Variants in DNAH8 observed in about 807,000 individuals in gnomAD.
The protein encoded by DNAH8 is axonemal beta dynein heavy chain 8.
DNAH8 carries 382 observed loss-of-function variants against 562.1 expected under a neutral mutation model. The ratio of observed to expected loss-of-function variants is 0.68; its 90% CI spans 0.63 to 0.74. The LOEUF (loss-of-function observed/expected upper bound fraction) is 0.74, where lower values mean the gene tolerates loss of function less well. Among genes scored for constraint, DNAH8 ranks in the 30% least tolerant of loss-of-function variants. DNAH8 has a pLI of 0.00. For missense variants in DNAH8, 5,203 were observed against 5,620.4 expected (o/e 0.93, Z 2.37); for synonymous variants, 1,881 against 1,919.4 (o/e 0.98, Z 0.52).
At chr6:38,798,765 T>C (rs9380778) in intron 21 of DNAH8, among the ~76,000 whole-genome samples, 3 of 151,924 alleles carry the variant, frequency 2.0e-5, no homozygotes, top group Admixed American at 2.0e-4. Context: ...AGGGTTGGAG[T>C]TGAGGCACAG....
rs560623647 is a variant in DNAH8, at chr6:38,840,723, T to C, written c.4467-1645T>C. Among the ~76,000 whole-genome samples, 7 of 152,306 alleles carry C rather than the reference T, an allele frequency of 4.6e-5. No homozygotes were observed. The South Asian group carries it at 1.0e-3, about 23-fold the overall frequency. On this transcript the variant is annotated intron_variant, in intron 33 of 92. Coordinates refer to ENST00000327475, the MANE Select transcript of DNAH8 (RefSeq NM_001206927.2). ...TTTGTCAATTTTCTTCTCTTTACCCTTTTAGGTAGAAAATGAAAAATTCTG... is the reference window on the plus strand; with the variant it reads ...TTTGTCAATTTTCTTCTCTTTACCCCTTTAGGTAGAAAATGAAAAATTCTG...
intron 32 of DNAH8, among the ~76,000 whole-genome samples, chr6:38,835,999 C>T (rs189850162): frequency 6.6e-6 from 1 of 152,052 alleles, no homozygotes; most frequent in Non-Finnish European, 1.5e-5. Flanking sequence ...GCAAGTGACA[C>T]CTGTATAATG....
chr6:39,023,914 T>C (rs761384), intron 91 of DNAH8, among the ~76,000 whole-genome samples: 122,470 of 152,228 alleles, frequency 0.8, 49,981 homozygotes, highest in Middle Eastern at 0.88. Flanking sequence ...GTTCTAGAGT[T>C]CACCTCCTGG....
chr6:38,964,556 T>G (rs947004439), intron 82 of DNAH8, among the ~76,000 whole-genome samples: 1 of 151,540 alleles, frequency 6.6e-6, no homozygotes, highest in Non-Finnish European at 1.5e-5. Flanking sequence ...TTGAGAGACA[T>G]ACATCCAGAT....
At chr6:38,926,283 C>T (rs909309472) in intron 74 of DNAH8, 73 bp downstream of exon 74, 20 of 1,525,308 alleles carry the variant, frequency 1.3e-5, no homozygotes, top group Non-Finnish European at 1.5e-5. Flanking sequence ...ATTGAATCTG[C>T]AGTCATAAAG....
chr6:38,920,766 C>T (rs1235266390), intron 70 of DNAH8, among the ~76,000 whole-genome samples: 2 of 152,090 alleles, frequency 1.3e-5, no homozygotes, highest in Non-Finnish European at 2.9e-5. Flanking sequence ...GAAAAAAAAT[C>T]AAAATGCCAA....
chr6:38,785,642 C>T (rs146622625), intron 17 of DNAH8, among the ~76,000 whole-genome samples: 1 of 152,050 alleles, frequency 6.6e-6, no homozygotes, highest in African/African-American at 2.4e-5. Flanking sequence ...TGCTCCCCAC[C>T]CCCCGACAGG....
chr6:38,727,959 C>G (rs548180179), intron 3 of DNAH8, among the ~76,000 whole-genome samples: 1 of 151,962 alleles, frequency 6.6e-6, no homozygotes, highest in Non-Finnish European at 1.5e-5. Context: ...TGTTTTGGGT[C>G]CTTAAGTTAA....
At chr6:38,744,643 A>C (rs1415276307) in intron 8 of DNAH8, among the ~76,000 whole-genome samples, 1 of 152,046 alleles carries the variant, frequency 6.6e-6, no homozygotes, top group Non-Finnish European at 1.5e-5. Flanking sequence ...CTTAGGCTGG[A>C]GTGCAGTGGC....
intron 91 of DNAH8, among the ~76,000 whole-genome samples, chr6:39,018,522 G>C (rs1474930983): frequency 6.6e-6 from 1 of 152,186 alleles, no homozygotes; most frequent in Non-Finnish European, 1.5e-5. Context: ...CTCAGCCTAT[G>C]AGTGGCTCAT....
In DNAH8 at chr6:38,938,854, CATATG is replaced by C; in HGVS notation, c.11875_11879del (p.Tyr3959SerfsTer26). The C allele has an allele frequency of 6.2e-7, 1 of 1,613,212 alleles. No individual in the cohort carries two copies. The highest frequency in any genetic ancestry group is 1.1e-5 in the South Asian group (1 of 91,006). Reference sequence around the variant, plus strand: ...ATTACAAATATTATCGAGTACCTGACATATGAAGTTTTTACATACTCTGTCAGAGG... The same window carrying C: ...ATTACAAATATTATCGAGTACCTGACAAGTTTTTACATACTCTGTCAGAGG... On this transcript the variant is annotated frameshift_variant, in exon 79 of 93. Coordinates refer to ENST00000327475, the MANE Select transcript of DNAH8 (RefSeq NM_001206927.2). LOFTEE classifies it high-confidence loss of function.
At chr6:38,970,581 G>A (rs1763268724) in intron 82 of DNAH8, among the ~76,000 whole-genome samples, 1 of 152,076 alleles carries the variant, frequency 6.6e-6, no homozygotes, top group Admixed American at 6.5e-5. Context: ...AGAATATCTG[G>A]CCATTAACCA....
chr6:38,947,758 T>G (rs1365972512), intron 80 of DNAH8, among the ~76,000 whole-genome samples: 1 of 151,526 alleles, frequency 6.6e-6, no homozygotes, highest in Non-Finnish European at 1.5e-5. Context: ...TTCTTTTTTT[T>G]TTTTCTTGAG....
chr6:38,826,479 T>G, intron 29 of DNAH8, 88 bp downstream of exon 29: 2 of 814,440 alleles, frequency 2.5e-6, no homozygotes, highest in South Asian at 3.5e-5. Context: ...TTCTTTAACA[T>G]ATTCATCTAT....
intron 11 of DNAH8, chr6:38,763,543 G>A (rs367875487): frequency 4.8e-6 from 1 of 210,194 alleles, no homozygotes; most frequent in Non-Finnish European, 9.3e-6. Flanking sequence ...GCCAGGCATA[G>A]TGGCTCATGT....
At chr6:38,741,909 G>A (rs748154085) in intron 8 of DNAH8, 22 bp downstream of exon 8, 1 of 1,596,428 alleles carries the variant, frequency 6.3e-7, no homozygotes, top group Non-Finnish European at 8.5e-7. Context: ...TTTATTTAAA[G>A]TTTGGTATAC....
At chr6:38,963,636 G>A (rs1398758499) in intron 82 of DNAH8, among the ~76,000 whole-genome samples, 2 of 132,966 alleles carry the variant, frequency 1.5e-5, no homozygotes, top group African/African-American at 5.7e-5. Context: ...ACAGTGCTGG[G>A]ATTACAGTCG....
intron 9 of DNAH8, among the ~76,000 whole-genome samples, chr6:38,754,849 C>T (rs1765770425): frequency 6.6e-6 from 1 of 152,078 alleles, no homozygotes; most frequent in African/African-American, 2.4e-5. Context: ...TCAGGACATA[C>T]TTTAGTCAGT....
At chr6:38,832,183 A>G (rs1773895755) in intron 30 of DNAH8, 139 bp from the exon 31 acceptor site, 5 of 611,474 alleles carry the variant, frequency 8.2e-6, no homozygotes, top group African/African-American at 5.5e-5. Context: ...TGGGTTATTA[A>G]TATATTTTAT....
Sources: allele counts gnomAD v4.1 joint callset (sites outside exome capture counted in the v4.1 genomes callset), GRCh38; gene constraint gnomAD v4.1.1; transcripts MANE v1.5; gene names NCBI Gene and HGNC (gene_info 2026-07-23, HGNC 2026-07-21).